STK25: variants seen among roughly 807,000 people sequenced by gnomAD.
STK25 encodes serine/threonine kinase 25.
A neutral mutation model predicts 53.8 loss-of-function variants in STK25; 29 were observed. The observed-to-expected ratio is 0.54, with a 90% CI of 0.40 to 0.74. The LOEUF (loss-of-function observed/expected upper bound fraction) is 0.74. Among genes scored for constraint, STK25 ranks in the 30% least tolerant of loss-of-function variants. STK25 has a pLI of 0.00. For missense variants in STK25, 420 were observed against 568.0 expected (o/e 0.74, Z 2.65); for synonymous variants, 247 against 238.3 (o/e 1.04, Z -0.33).
Position 241,498,998 on chromosome 2 carries a change from G to T in STK25, c.762C>A (p.Asp254Glu), listed in dbSNP as rs776078005. Reference protein sequence around the residue: ...KEFVEACLNKDPRFRPTAKEL... With the variant: ...KEFVEACLNKEPRFRPTAKEL... ...CAGAGGCGGGCCTTACGAATCGGGG[G>T]TCTTTGTTGAGGCAGGCCTCCACGA... The change falls in exon 7 of 12, where the codon GAC becomes GAA. Residue 254 changes from aspartate to glutamate, a missense_variant. Transcript: ENST00000316586. 6.8e-6 allele frequency: 11 copies of T among 1,613,766 alleles called. No individual in the cohort carries two copies. The highest frequency in any genetic ancestry group is 5.3e-5 in the African/African-American group (4 of 74,944).
intron 2 of STK25, among the ~76,000 whole-genome samples, chr2:241,505,711 T>A (rs1435099812): frequency 6.6e-6 from 1 of 152,130 alleles, no homozygotes; most frequent in African/African-American, 2.4e-5. Flanking sequence ...CCAGGGCTCA[T>A]CAGCCCAAGC....
At chr2:241,499,482 A>C (rs1215150427) in intron 5 of STK25, 68 bp from the exon 6 acceptor site, 2 of 1,557,020 alleles carry the variant, frequency 1.3e-6, no homozygotes, top group Admixed American at 1.8e-5. Flanking sequence ...CCCCCTGAGA[A>C]GGGCCAGGGT....
At chr2:241,498,550 AC>A in intron 8 of STK25, 88 bp downstream of exon 8, 4 of 1,494,552 alleles carry the variant, frequency 2.7e-6, no homozygotes, top group Admixed American at 2.0e-5. Flanking sequence ...GGTCACCCTC[AC>A]CCCCAGGGCC....
chr2:241,503,978 TAGCTGACCTCCC>T, intron 2 of STK25: 1 of 469,158 alleles, frequency 2.1e-6, no homozygotes, highest in Admixed American at 2.4e-5. Context: ...AACTGCCAAT[TAGCTGACCTCCC>T]AGGGTTCCTA....
chr2:241,508,895 C>T (rs1331913869), upstream of STK25, among the ~76,000 whole-genome samples: 2 of 152,114 alleles, frequency 1.3e-5, no homozygotes, highest in African/African-American at 2.4e-5. Flanking sequence ...TTGCTGGCGC[C>T]TGCCAGGCGT....
chr2:241,501,466 C>G lies in STK25; in HGVS notation c.261+12G>C, dbSNP rs2065507891. ...AGCACCAGCAGGGTCCCCGCCTCCCCACAACAGGCACCTTTAGGTAGGAGC... is the reference window on the plus strand; with the variant it reads ...AGCACCAGCAGGGTCCCCGCCTCCCGACAACAGGCACCTTTAGGTAGGAGC... On this transcript the variant is annotated intron_variant, in intron 3 of 11. Transcript: ENST00000316586. This position sits in a 1 kb window ranked among gnomAD's most constrained non-coding sequence, Gnocchi z 5.3. 2 of 1,612,986 alleles carry G rather than the reference C, an allele frequency of 1.2e-6. No homozygotes were observed. Among genetic ancestry groups the G allele is most frequent in the South Asian group, 1.1e-5 (1 of 90,964 alleles).
chr2:241,503,328 G>A (rs1380174850), intron 2 of STK25, among the ~76,000 whole-genome samples: 1 of 151,930 alleles, frequency 6.6e-6, no homozygotes, highest in African/African-American at 2.4e-5. Flanking sequence ...GCCTCCCAAA[G>A]TGCTGGGATT....
intron 2 of STK25, among the ~76,000 whole-genome samples, chr2:241,505,983 C>T (rs1165563616): frequency 2.0e-5 from 3 of 152,240 alleles, no homozygotes; most frequent in South Asian, 2.1e-4. Flanking sequence ...CTCCACTTGC[C>T]AATGTGTCTG....
At chr2:241,498,110 C>A in intron 9 of STK25, 125 bp downstream of exon 9, 2 of 905,380 alleles carry the variant, frequency 2.2e-6, no homozygotes, top group Admixed American at 3.8e-5. Context: ...CTTCAGACCA[C>A]CCCTGCCTTT....
intron 4 of STK25, 117 bp downstream of exon 4, chr2:241,500,623 A>T: frequency 9.1e-7 from 1 of 1,093,650 alleles, no homozygotes; most frequent in Non-Finnish European, 1.4e-6. Context: ...GACGATTCCT[A>T]ATTAACACCT....
At chr2:241,499,991 G>A (rs559903022) in intron 5 of STK25, 182 bp downstream of exon 5, 190 of 693,718 alleles carry the variant, frequency 2.7e-4, no homozygotes, top group South Asian at 9.4e-4. Flanking sequence ...CAAGGAAACC[G>A]TTACAAGTAG....
At chr2:241,497,791 G>A in intron 9 of STK25, 104 bp from the exon 10 acceptor site, 2 of 1,189,674 alleles carry the variant, frequency 1.7e-6, no homozygotes, top group Non-Finnish European at 2.5e-6. Context: ...GAGGCTGGGA[G>A]CAGCCTGTCG....
intron 9 of STK25, 138 bp downstream of exon 9, chr2:241,498,097 G>A: frequency 2.5e-6 from 2 of 793,924 alleles, no homozygotes; most frequent in Non-Finnish European, 4.2e-6. Context: ...GTGCCACAGT[G>A]GGCTTCAGAC....
rs1208433513 is a variant in STK25 at position 241,496,290 on chromosome 2, A to G, written c.1241+108T>C. 2 of 1,371,482 alleles carry G rather than the reference A, an allele frequency of 1.5e-6. No homozygotes were observed. The highest frequency in any genetic ancestry group is 3.8e-5 in the Admixed American group (2 of 52,518). 85.0% of individuals were successfully genotyped at this position (1,371,482 alleles called of 1,614,324 possible). On this transcript the variant is annotated intron_variant, in intron 11 of 11. Coordinates refer to ENST00000316586, the MANE Select transcript of STK25 (RefSeq NM_001271977.2). The surrounding 1 kb of genome is among the most constrained non-coding windows in gnomAD (Gnocchi z 5.8). ...CGCCTTCCCAGAGTGAAGCGAGCCCATGTAGTGCCAAATGCAGCCACACCC... is the reference window on the plus strand; with the variant it reads ...CGCCTTCCCAGAGTGAAGCGAGCCCGTGTAGTGCCAAATGCAGCCACACCC...
chr2:241,508,658 C>T (rs2066006330), upstream of STK25: 4 of 986,346 alleles, frequency 4.1e-6, no homozygotes, highest in Non-Finnish European at 4.8e-6. Flanking sequence ...AGTCCCACCG[C>T]CCACTCCGGG....
chr2:241,507,919 G>T, intron 2 of STK25, 87 bp downstream of exon 2: 1 of 1,368,218 alleles, frequency 7.3e-7, no homozygotes, highest in Non-Finnish European at 1.0e-6. Context: ...TGCCCGCTCC[G>T]GCGTGGCGCT....
At chr2:241,495,950 G>T (rs987409844) in intron 11 of STK25, among the ~76,000 whole-genome samples, 10 of 152,276 alleles carry the variant, frequency 6.6e-5, no homozygotes, top group African/African-American at 2.2e-4. Flanking sequence ...ATCTGCCGGC[G>T]GCATGGCGGT....
In STK25 at chr2:241,508,540, C is replaced by T; in HGVS notation, c.-198G>A. On this transcript the variant is annotated 5_prime_UTR_variant, in exon 1 of 12. Coordinates refer to ENST00000316586, the MANE Select transcript of STK25 (RefSeq NM_001271977.2). ...TGTTCGCCCGGGGACCCCGGGCCTCCCAGCCCGCGAAGCAACGGTGGTGGC... is the reference window on the plus strand; with the variant it reads ...TGTTCGCCCGGGGACCCCGGGCCTCTCAGCCCGCGAAGCAACGGTGGTGGC... 1.0e-6 allele frequency: 1 copy of T among 998,544 alleles called. No individual in the cohort carries two copies. The highest frequency in any genetic ancestry group is 1.2e-6 in the Non-Finnish European group (1 of 837,722). The allele number at this position is 998,544 out of a possible 1,614,324, so 61.9% of individuals were successfully genotyped here.
chr2:241,493,083 GAC>G lies in STK25; in HGVS notation c.*2577_*2578del. On this transcript the variant is annotated 3_prime_UTR_variant, in exon 12 of 12. Transcript: ENST00000316586. Reference sequence around the variant, plus strand: ...CCAATGCAGGTGATGCTAGCAGACAGACACTTAACCCTGCTCACCTGTGTCCC... The same window carrying G: ...CCAATGCAGGTGATGCTAGCAGACAGACTTAACCCTGCTCACCTGTGTCCC... 1 of 1,206,412 alleles carries G rather than the reference GAC, an allele frequency of 8.3e-7. No homozygotes were observed. The highest frequency in any genetic ancestry group is 1.2e-5 in the South Asian group (1 of 82,870). The allele number at this position is 1,206,412 out of a possible 1,614,324, so 74.7% of individuals were successfully genotyped here. A position where few individuals can be genotyped will look rare whatever the true frequency, so the allele number is the denominator to read the frequency against.
Sources: allele counts gnomAD v4.1 joint callset (sites outside exome capture counted in the v4.1 genomes callset), GRCh38; gene constraint gnomAD v4.1.1; non-coding constraint Gnocchi (gnomAD v3.1); transcripts MANE v1.5; gene names NCBI Gene and HGNC (gene_info 2026-07-23, HGNC 2026-07-21).